The following TMEM132B variants were observed in gnomAD, a reference collection of about 807,000 sequenced individuals.
The protein encoded by TMEM132B is transmembrane protein 132B.
A neutral mutation model predicts 90.8 loss-of-function variants in TMEM132B; 18 were observed. That is an observed-to-expected ratio of 0.20 (90% CI 0.14 to 0.29). The LOEUF (loss-of-function observed/expected upper bound fraction) is 0.29. Among genes scored for constraint, TMEM132B ranks in the 10% least tolerant of loss-of-function variants. The probability of loss-of-function intolerance (pLI) is 1.00; values close to 1 mark genes in which losing one functional copy is unlikely to be tolerated. For missense variants in TMEM132B, 1,096 were observed against 1,326.8 expected, an observed-to-expected ratio of 0.83 and a Z score of 2.70; for synonymous variants, 504 against 523.3, an observed-to-expected ratio of 0.96 and a Z score of 0.50.
chr12:125,211,042 G>C (rs1375019896), intron 1 of TMEM132B, among the ~76,000 whole-genome samples: 1 of 151,820 alleles, frequency 6.6e-6, no homozygotes, highest in Non-Finnish European at 1.5e-5. Context: ...TTGCACTCCA[G>C]CCTGGGCAAC....
chr12:125,436,591 A>G (rs138149240), intron 3 of TMEM132B, among the ~76,000 whole-genome samples: 57 of 152,302 alleles, frequency 3.7e-4, no homozygotes, highest in African/African-American at 1.1e-3. Flanking sequence ...GAAGATTGCC[A>G]GCAACCACCA....
intron 5 of TMEM132B, among the ~76,000 whole-genome samples, chr12:125,634,945 C>T (rs1342413915): frequency 1.3e-5 from 2 of 152,146 alleles, no homozygotes; most frequent in Middle Eastern, 3.2e-3. Context: ...CAGTAGGTCA[C>T]GTGCCCCCAG....
intron 1 of TMEM132B, among the ~76,000 whole-genome samples, chr12:125,198,443 A>G (rs909108291): frequency 6.6e-6 from 1 of 152,152 alleles, no homozygotes; most frequent in African/African-American, 2.4e-5. Context: ...TCTGATGGCA[A>G]AGCTGGCCAC....
At chr12:125,440,698 AG>A (rs1880845954) in intron 3 of TMEM132B, among the ~76,000 whole-genome samples, 1 of 152,226 alleles carries the variant, frequency 6.6e-6, no homozygotes, top group Admixed American at 6.5e-5. Flanking sequence ...TCCAATATGT[AG>A]GCAACAAATC....
At chr12:125,476,762 AC>A (rs1325524514) in intron 3 of TMEM132B, among the ~76,000 whole-genome samples, 1 of 152,124 alleles carries the variant, frequency 6.6e-6, no homozygotes, top group African/African-American at 2.4e-5. Context: ...TCCAGGAGTG[AC>A]TTTTGAAAAT....
Position 125,246,149 on chromosome 12 carries a change from G to T in TMEM132B, c.67+59283G>T, listed in dbSNP as rs577022523. Among the ~76,000 whole-genome samples, 27 of 152,188 alleles carry T rather than the reference G, an allele frequency of 1.8e-4. No individual in the cohort carries two copies. The highest frequency in any genetic ancestry group is 6.5e-4 in the African/African-American group (27 of 41,458). ...GATCCAGTGATCCTGCTGGCTTTCC[G>T]CTTCATGACAGTGATAGCTCTCAGT... On this transcript the variant is annotated intron_variant, in intron 1 of 8. Transcript: ENST00000682704. The surrounding 1 kb of genome is among the most constrained non-coding windows in gnomAD (Gnocchi z 4.2).
intron 4 of TMEM132B, among the ~76,000 whole-genome samples, chr12:125,537,029 A>G (rs1424225046): frequency 1.3e-5 from 2 of 152,164 alleles, no homozygotes; most frequent in Non-Finnish European, 2.9e-5. Context: ...TTGGATGGAA[A>G]CATTGTTGAT....
intron 6 of TMEM132B, among the ~76,000 whole-genome samples, chr12:125,649,250 A>G (rs1175358921): frequency 6.6e-5 from 10 of 152,252 alleles, no homozygotes; most frequent in Non-Finnish European, 1.5e-5. Flanking sequence ...TTCAGAAGTC[A>G]AATGGAGCTG....
chr12:125,590,669 T>G (rs1885294645), intron 5 of TMEM132B, among the ~76,000 whole-genome samples: 1 of 152,194 alleles, frequency 6.6e-6, no homozygotes, highest in Non-Finnish European at 1.5e-5. Flanking sequence ...GATATAAAGG[T>G]GTAATGCATA....
chr12:125,467,657 G>A (rs1219215985), intron 3 of TMEM132B, among the ~76,000 whole-genome samples: 1 of 152,138 alleles, frequency 6.6e-6, no homozygotes, highest in Non-Finnish European at 1.5e-5. Context: ...CAGTTCAGTG[G>A]TATTTAGTAT....
At chr12:125,629,292 A>T (rs530715159) in intron 5 of TMEM132B, among the ~76,000 whole-genome samples, 1 of 151,710 alleles carries the variant, frequency 6.6e-6, no homozygotes, top group African/African-American at 2.4e-5. Flanking sequence ...ATATCTTTCC[A>T]TTTTTTGCTG....
chr12:125,564,218 T>C (rs1413817424), intron 4 of TMEM132B, among the ~76,000 whole-genome samples: 1 of 152,258 alleles, frequency 6.6e-6, no homozygotes, highest in Non-Finnish European at 1.5e-5. Flanking sequence ...CTTTGAATGA[T>C]AATAAAATAG....
intron 3 of TMEM132B, among the ~76,000 whole-genome samples, chr12:125,508,895 T>C (rs1239976605): frequency 2.0e-5 from 3 of 151,702 alleles, no homozygotes; most frequent in Non-Finnish European, 4.4e-5. Context: ...GTGATTCTCC[T>C]GCCTCAGTCT....
chr12:125,588,711 C>T (rs187927445), intron 5 of TMEM132B, among the ~76,000 whole-genome samples: 59 of 152,218 alleles, frequency 3.9e-4, no homozygotes, highest in Non-Finnish European at 7.8e-4. Context: ...GGCACATTTT[C>T]GGGAGCAGTC....
In TMEM132B at chr12:125,411,519, T is replaced by C. The variant is rs575472332; in HGVS notation, c.960-4012T>C. Among the ~76,000 whole-genome samples, 67 of 151,906 alleles carry C rather than the reference T, an allele frequency of 4.4e-4. 2 individuals carry two copies. In the East Asian group the frequency reaches 0.01, roughly 23 times the overall value. ...CCCAGAACTTAAAGTATAATAATAA[T>C]AAAAACAAACAAACAAAAATAAAAA... is the stretch of plus-strand genomic sequence containing the variant. On this transcript the variant is annotated intron_variant, in intron 2 of 8. Transcript: ENST00000682704.
rs1016111685 is a variant in TMEM132B at position 125,417,631 on chromosome 12, G to A, written c.1106+1954G>A. ...GCAGGTAGAGAAGTTTGGGGGTGGC[G>A]TGGTACCAGGAATGTAGGGTCAGGT... On this transcript the variant is annotated intron_variant, in intron 3 of 8. Coordinates refer to ENST00000682704, the MANE Select transcript of TMEM132B (RefSeq NM_001366854.1). Among the ~76,000 whole-genome samples the A allele has an allele frequency of 6.6e-5, 10 of 152,306 alleles. No individual in the cohort carries two copies. The South Asian group carries it at 8.3e-4, about 13-fold the overall frequency.
chr12:125,599,248 G>T (rs755277619), intron 5 of TMEM132B, among the ~76,000 whole-genome samples: 1 of 152,152 alleles, frequency 6.6e-6, no homozygotes, highest in Non-Finnish European at 1.5e-5. Context: ...TCTCTTGCTT[G>T]CTGCCATGTA....
chr12:125,275,721 GT>G (rs574884929), intron 1 of TMEM132B, among the ~76,000 whole-genome samples: 2 of 151,782 alleles, frequency 1.3e-5, no homozygotes, highest in Admixed American at 1.3e-4. Context: ...TGGCTAATGT[GT>G]TTTTTTTGGG....
intron 1 of TMEM132B, among the ~76,000 whole-genome samples, chr12:125,263,496 G>A (rs1236946276): frequency 6.6e-6 from 1 of 152,172 alleles, no homozygotes; most frequent in Non-Finnish European, 1.5e-5. Context: ...TTGTGTTTTT[G>A]TTCCCTTCTC....
Sources: allele counts gnomAD v4.1 joint callset (sites outside exome capture counted in the v4.1 genomes callset), GRCh38; gene constraint gnomAD v4.1.1; non-coding constraint Gnocchi (gnomAD v3.1); transcripts MANE v1.5; gene names NCBI Gene and HGNC (gene_info 2026-07-23, HGNC 2026-07-21).